Variants in KLB observed in about 807,000 individuals in gnomAD.
The protein encoded by KLB is klotho beta, also known as beta-klotho.
KLB carries 44 observed loss-of-function variants against 88.4 expected under a neutral mutation model. That is an observed-to-expected ratio of 0.50 (90% CI 0.39 to 0.64). The LOEUF is 0.64. Among genes scored for constraint, KLB ranks in the 30% least tolerant of loss-of-function variants. The pLI is 0.00. For synonymous variants in KLB, 548 were observed against 513.4 expected (o/e 1.07, Z -0.91); for missense variants, 1,137 against 1,304.8 (o/e 0.87, Z 1.98).
chr4:39,426,969 G>A (rs1465395824), intron 1 of KLB, among the ~76,000 whole-genome samples: 8 of 152,164 alleles, frequency 5.3e-5, no homozygotes, highest in African/African-American at 1.7e-4. Flanking sequence ...GAGTACAGAT[G>A]TGAGCCACAG....
At position 39,445,504 on chromosome 4, in the gene KLB, C is replaced by CTTTT. The variant is rs10634518; in HGVS notation, c.1606-815_1606-812dup. 2.8e-3 allele frequency among the ~76,000 whole-genome samples: 365 copies of CTTTT among 131,682 alleles called. 4 individuals carry two copies. The highest frequency in any genetic ancestry group is 0.012 in the South Asian group (48 of 4,162). 86.4% of individuals were successfully genotyped at this position (131,682 alleles called of 152,430 possible). On this transcript the variant is annotated intron_variant, in intron 3 of 4. Coordinates refer to ENST00000257408, the MANE Select transcript of KLB (RefSeq NM_175737.4). Reference sequence around the variant, plus strand: ...GTGTTATCACTTGAACTTTTCTTTTCTTTTTTTTTTTTTTTTGAGATGGAG... The same window carrying CTTTT: ...GTGTTATCACTTGAACTTTTCTTTTCTTTTTTTTTTTTTTTTTTTTGAGATGGAG...
At chr4:39,407,920 A>C (rs1248652326) in intron 1 of KLB, 146 bp downstream of exon 1, 10 of 536,286 alleles carry the variant, frequency 1.9e-5, no homozygotes, top group Middle Eastern at 3.6e-4. Context: ...TTTTGCATTT[A>C]AGTTAGTGTA....
At chr4:39,442,635 A>G (rs191368398) in intron 3 of KLB, among the ~76,000 whole-genome samples, 1 of 152,016 alleles carries the variant, frequency 6.6e-6, no homozygotes, top group African/African-American at 2.4e-5. Context: ...GGGTTTCACT[A>G]TTTTGGCCAG....
At position 39,407,359 on chromosome 4, in the gene KLB, A is replaced by G; in HGVS notation, c.410A>G (p.Asp137Gly). 1 of 1,614,170 alleles carries G rather than the reference A, an allele frequency of 6.2e-7. No individual in the cohort carries two copies. Among genetic ancestry groups the G allele is most frequent in the Non-Finnish European group, 8.5e-7 (1 of 1,180,030 alleles). ...SSDSYIFLEK[D>G]LSALDFIGVS... Reference sequence around the variant, plus strand: ...GACAGTTATATTTTTCTGGAAAAAGACTTATCAGCCCTGGATTTTATAGGA... The same window carrying G: ...GACAGTTATATTTTTCTGGAAAAAGGCTTATCAGCCCTGGATTTTATAGGA... The change falls in exon 1 of 5, where the codon GAC (aspartate) becomes GGC (glycine). Residue 137 changes from aspartate (D) to glycine (G), a missense_variant. This residue lies in a region of KLB where 597 missense variants were observed against 765.2 expected (regional missense o/e 0.78). Transcript: ENST00000257408.
intron 1 of KLB, among the ~76,000 whole-genome samples, chr4:39,418,320 A>G (rs1743007020): frequency 6.6e-6 from 1 of 151,964 alleles, no homozygotes. Flanking sequence ...GGCTCACTGC[A>G]ACCTCCACCT....
rs879465354 is a variant in KLB, at chr4:39,407,468, G to C, written c.519G>C (p.Gln173His). 8 of 1,614,194 alleles carry C rather than the reference G, an allele frequency of 5.0e-6. No homozygotes were observed. Among genetic ancestry groups the C allele is most frequent in the Non-Finnish European group, 5.9e-6 (7 of 1,180,018 alleles). Residue 173 changes from glutamine to histidine, a missense_variant, in exon 1 of 5, where the codon CAG (glutamine) becomes CAC (histidine). Gln to His is a conservative substitution (Grantham distance 24). Transcript: ENST00000257408. Reference protein sequence around the residue: ...IVTVANAKGLQYYSTLLDALV... With the variant: ...IVTVANAKGLHYYSTLLDALV... ...CAGTTGCCAACGCAAAAGGTCTGCA[G>C]TACTACAGTACTCTTCTGGACGCTC...
chr4:39,435,489 A>G (rs1743454873), intron 2 of KLB, among the ~76,000 whole-genome samples: 1 of 150,714 alleles, frequency 6.6e-6, no homozygotes, highest in Non-Finnish European at 1.5e-5. Flanking sequence ...GCAGTGGTGC[A>G]ATCTCAGCTC....
chr4:39,419,433 G>T (rs1297352105), intron 1 of KLB, among the ~76,000 whole-genome samples: 2 of 152,138 alleles, frequency 1.3e-5, no homozygotes, highest in Non-Finnish European at 2.9e-5. Flanking sequence ...AATAAGTCAT[G>T]TAATAACATA....
intron 1 of KLB, among the ~76,000 whole-genome samples, chr4:39,420,351 C>G (rs1226364163): frequency 6.6e-6 from 1 of 152,016 alleles, no homozygotes; most frequent in Non-Finnish European, 1.5e-5. Flanking sequence ...TTTTGAACAT[C>G]AACGTATTAT....
chr4:39,409,085 C>T (rs1000144456), intron 1 of KLB, among the ~76,000 whole-genome samples: 1 of 151,742 alleles, frequency 6.6e-6, no homozygotes, highest in Non-Finnish European at 1.5e-5. Flanking sequence ...GATACATCTG[C>T]CCTTGAGGTA....
chr4:39,432,147 C>A (rs543877605), intron 1 of KLB, among the ~76,000 whole-genome samples: 1 of 152,034 alleles, frequency 6.6e-6, no homozygotes, highest in Non-Finnish European at 1.5e-5. Flanking sequence ...ATTAACTGGG[C>A]ATGGTGGTGC....
intron 1 of KLB, among the ~76,000 whole-genome samples, chr4:39,426,439 GGGCCATGAAATTTGGACCATTAAAAA>G (rs1743219680): frequency 2.4e-5 from 1 of 41,858 alleles, no homozygotes; most frequent in Admixed American, 4.0e-4. Context: ...AAAAAAAAAA[GGGCCATGAAATTTGGACCATTAAAAA>G]TAGGATGGTG....
Position 39,447,034 on chromosome 4 carries a change from G to C in KLB, c.2308G>C (p.Ala770Pro). The C allele has an allele frequency of 6.2e-7, 1 of 1,611,710 alleles. No homozygotes were observed. The highest frequency in any genetic ancestry group is 8.5e-7 in the Non-Finnish European group (1 of 1,179,950). Residue 770 changes from alanine to proline, a missense_variant, in exon 4 of 5, where the codon GCC becomes CCC. Physicochemically the swap from Ala to Pro is conservative, Grantham distance 27. This residue lies in a region of KLB where 426 missense variants were observed against 404.6 expected (regional missense o/e 1.05). Coordinates refer to ENST00000257408, the MANE Select transcript of KLB (RefSeq NM_175737.4). ...AAERFLQFEI[A>P]WFAEPLFKTG... ...CGAGCGCTTCCTGCAGTTCGAGATCGCCTGGTTCGCCGAGCCGCTCTTCAA... is the reference window on the plus strand; with the variant it reads ...CGAGCGCTTCCTGCAGTTCGAGATCCCCTGGTTCGCCGAGCCGCTCTTCAA...
At chr4:39,416,170 A>G (rs1048447323) in intron 1 of KLB, among the ~76,000 whole-genome samples, 1 of 151,894 alleles carries the variant, frequency 6.6e-6, no homozygotes, top group African/African-American at 2.4e-5. Flanking sequence ...AGAACACTCA[A>G]ATCAATTAGA....
Position 39,437,864 on chromosome 4 carries a change from C to A in KLB, c.1474C>A (p.Pro492Thr), listed in dbSNP as rs1311941549. The change falls in exon 3 of 5, where the codon CCT becomes ACT. Residue 492 changes from proline (P) to threonine (T), a missense_variant. By Grantham distance (38) the Pro-to-Thr change is conservative. Transcript: ENST00000257408. ...DFNSKQKERK[P>T]KSSAHYYKQI... is the part of the protein sequence containing the mutation. ...TAACAGTAAACAGAAAGAGCGGAAA[C>A]CTAAGTCTTCAGCACACTACTACAA... 4 of 1,614,024 alleles carry A rather than the reference C, an allele frequency of 2.5e-6. No homozygotes were observed. The Admixed American group carries it at 5.0e-5, about 20-fold the overall frequency.
chr4:39,417,509 C>A (rs928178867), intron 1 of KLB, among the ~76,000 whole-genome samples: 1 of 152,186 alleles, frequency 6.6e-6, no homozygotes, highest in South Asian at 2.1e-4. Flanking sequence ...GACAGAGTTA[C>A]TCCATGTTGG....
intron 1 of KLB, among the ~76,000 whole-genome samples, chr4:39,408,529 T>C (rs1742774866): frequency 1.3e-5 from 2 of 152,214 alleles, no homozygotes; most frequent in African/African-American, 4.8e-5. Context: ...GTATTTTACA[T>C]GCATCGTTAC....
chr4:39,426,748 C>T (rs1000740848), intron 1 of KLB, among the ~76,000 whole-genome samples: 1 of 151,628 alleles, frequency 6.6e-6, no homozygotes, highest in Non-Finnish European at 1.5e-5. Flanking sequence ...AGTGCAGTGG[C>T]ATGATCATAG....
chr4:39,409,760 C>T (rs1045621643), intron 1 of KLB, among the ~76,000 whole-genome samples: 1 of 151,664 alleles, frequency 6.6e-6, no homozygotes, highest in African/African-American at 2.4e-5. Context: ...ACCCTCTCTA[C>T]TGAAAACACA....
Sources: allele counts gnomAD v4.1 joint callset (sites outside exome capture counted in the v4.1 genomes callset), GRCh38; gene constraint gnomAD v4.1.1; regional missense constraint gnomAD v4.1.1; transcripts MANE v1.5; gene names NCBI Gene and HGNC (gene_info 2026-07-23, HGNC 2026-07-21).